Variants in TBL1XR1 observed in about 807,000 individuals in gnomAD.
TBL1XR1 encodes the protein F-box-like/WD repeat-containing protein TBL1XR1.
A neutral mutation model predicts 66.9 loss-of-function variants in TBL1XR1; 5 were observed. The observed-to-expected ratio is 0.07, with a 90% confidence interval of 0.04 to 0.16. The LOEUF (loss-of-function observed/expected upper bound fraction) is 0.16, where lower values mean the gene tolerates loss of function less well. TBL1XR1 is among the 10% of genes least tolerant of loss of function. The pLI is 1.00. For synonymous variants in TBL1XR1, 210 were observed against 206.0 expected, an observed-to-expected ratio of 1.02 and a Z score of -0.17; for missense variants, 238 against 623.2, an observed-to-expected ratio of 0.38 and a Z score of 6.58.
intron 1 of TBL1XR1, among the ~76,000 whole-genome samples, chr3:177,115,583 A>ACCC (rs747736269): frequency 2.0e-5 from 3 of 150,550 alleles, no homozygotes; most frequent in Middle Eastern, 3.4e-3. Flanking sequence ...CTGCCTACTG[A>ACCC]CCCCCCTTCA....
chr3:177,026,341 C>T lies in TBL1XR1; in HGVS notation c.1518+32G>A. 3.2e-6 allele frequency: 5 copies of T among 1,558,734 alleles called. 1 individual carries two copies. Among genetic ancestry groups the T allele is most frequent in the Non-Finnish European group, 4.4e-6 (5 of 1,132,778 alleles). On this transcript the variant is annotated intron_variant, in intron 15 of 15. Transcript: ENST00000457928. Reference sequence around the variant, plus strand: ...GCATTCTGATGTGAATACCCACCCACACCCTCTTTGGAAACACTTTACTAT... The same window carrying T: ...GCATTCTGATGTGAATACCCACCCATACCCTCTTTGGAAACACTTTACTAT...
intron 12 of TBL1XR1, chr3:177,037,804 C>CCATCCATCCATA (rs1245811907): frequency 4.1e-6 from 1 of 246,108 alleles, no homozygotes; most frequent in East Asian, 9.1e-5. Context: ...ATCCATCCAT[C>CCATCCATCCATA]CATCTTCTTA....
intron 1 of TBL1XR1, among the ~76,000 whole-genome samples, chr3:177,144,167 C>A (rs1158031848): frequency 6.6e-6 from 1 of 152,008 alleles, no homozygotes; most frequent in Non-Finnish European, 1.5e-5. Flanking sequence ...ATCGCTTGAA[C>A]CCCGGGAGGC....
chr3:177,195,105 G>C (rs1327633095), intron 1 of TBL1XR1, among the ~76,000 whole-genome samples: 1 of 151,824 alleles, frequency 6.6e-6, no homozygotes, highest in East Asian at 1.9e-4. Flanking sequence ...CCTGTAGGTC[G>C]GATTCCAACA....
chr3:177,035,331 T>C (rs1560101231), intron 12 of TBL1XR1, among the ~76,000 whole-genome samples: 1 of 152,152 alleles, frequency 6.6e-6, no homozygotes, highest in Admixed American at 6.5e-5. Flanking sequence ...GATTTGGTGA[T>C]TGTTAGAGTT....
chr3:177,160,834 A>T (rs941369312), intron 1 of TBL1XR1: 1 of 152,038 alleles, frequency 6.6e-6, no homozygotes, highest in African/African-American at 2.4e-5. Flanking sequence ...CATCGCTACT[A>T]AAAATACAAA....
chr3:177,158,342 C>T (rs1731773283), intron 1 of TBL1XR1, among the ~76,000 whole-genome samples: 1 of 151,558 alleles, frequency 6.6e-6, no homozygotes, highest in Non-Finnish European at 1.5e-5. Context: ...CATTCTCCTG[C>T]CTCAGCCTCC....
intron 1 of TBL1XR1, among the ~76,000 whole-genome samples, chr3:177,177,591 G>A (rs1041347231): frequency 6.6e-6 from 1 of 152,014 alleles, no homozygotes; most frequent in Non-Finnish European, 1.5e-5. Flanking sequence ...TTTAAGTATG[G>A]CACTCACATA....
rs373218741 is a variant in TBL1XR1 at position 177,162,921 on chromosome 3, A to G, written c.-122+34200T>C. 3.3e-5 allele frequency among the ~76,000 whole-genome samples: 5 copies of G among 152,358 alleles called. No homozygotes were observed. In the East Asian group the frequency reaches 9.6e-4, roughly 29 times the overall value. The stretch of plus-strand genomic sequence containing the variant: ...TTGGTAACACTATGTTGGCAAGAAC[A>G]TGGGCAGAGACACATTGAGAGCAGG... On this transcript the variant is annotated intron_variant, in intron 1 of 15. Transcript: ENST00000457928.
chr3:177,120,588 C>T (rs1726870645), intron 1 of TBL1XR1: 1 of 152,160 alleles, frequency 6.6e-6, no homozygotes, highest in African/African-American at 2.4e-5. Flanking sequence ...AAAGTCAATC[C>T]ATCCTTAAAA....
At chr3:177,084,022 A>C (rs1721794130) in intron 2 of TBL1XR1, among the ~76,000 whole-genome samples, 1 of 146,074 alleles carries the variant, frequency 6.8e-6, no homozygotes, top group Non-Finnish European at 1.5e-5. Context: ...CAGGAGGCGG[A>C]GGCTGCAGTG....
intron 1 of TBL1XR1, among the ~76,000 whole-genome samples, chr3:177,143,467 G>T (rs184389556): frequency 2.6e-5 from 4 of 152,224 alleles, no homozygotes; most frequent in African/African-American, 9.6e-5. Flanking sequence ...TGTAAATGCT[G>T]TAAGTTTTTT....
At chr3:177,058,834 A>G (rs984025200) in intron 3 of TBL1XR1, among the ~76,000 whole-genome samples, 1 of 152,230 alleles carries the variant, frequency 6.6e-6, no homozygotes, top group African/African-American at 2.4e-5. Flanking sequence ...TCCCTTTGAT[A>G]AGTGTGCTAG....
intron 1 of TBL1XR1, among the ~76,000 whole-genome samples, chr3:177,129,010 T>G (rs567285420): frequency 1.3e-5 from 2 of 152,330 alleles, no homozygotes; most frequent in Admixed American, 6.5e-5. Flanking sequence ...TCAAATTTCA[T>G]GTTCAGCACG....
chr3:177,161,211 G>C lies in TBL1XR1; in HGVS notation c.-122+35910C>G, dbSNP rs1732170984. Among the ~76,000 whole-genome samples, 5 of 151,986 alleles carry C rather than the reference G, an allele frequency of 3.3e-5. No homozygotes were observed. The South Asian group carries it at 8.3e-4, about 25-fold the overall frequency. ...GTTTTCCTGTTTCTCTGACTGTTTT[G>C]CCTATCATCTTAGATAACCCCTGTG... On this transcript the variant is annotated intron_variant, in intron 1 of 15. Transcript: ENST00000457928.
At chr3:177,076,193 G>T (rs1451203025) in intron 2 of TBL1XR1, among the ~76,000 whole-genome samples, 2 of 152,116 alleles carry the variant, frequency 1.3e-5, no homozygotes, top group Non-Finnish European at 2.9e-5. Context: ...ATTCACTGAG[G>T]GCAAAGCCCT....
At chr3:177,095,427 CAA>C (rs746860458) in intron 2 of TBL1XR1, among the ~76,000 whole-genome samples, 1 of 150,640 alleles carries the variant, frequency 6.6e-6, no homozygotes, top group South Asian at 2.1e-4. Flanking sequence ...GAGATAATTA[CAA>C]AAAAGTATTT....
chr3:177,050,242 T>C (rs538057596), intron 6 of TBL1XR1, 104 bp from the exon 7 acceptor site: 9 of 1,412,226 alleles, frequency 6.4e-6, no homozygotes, highest in Admixed American at 2.2e-5. Flanking sequence ...TAAAAACGAC[T>C]ATCACGAATT....
chr3:177,056,202 A>G (rs891879007), intron 3 of TBL1XR1, among the ~76,000 whole-genome samples: 3 of 152,184 alleles, frequency 2.0e-5, no homozygotes, highest in Non-Finnish European at 4.4e-5. Flanking sequence ...ATGCTTATAA[A>G]TTTGTTTGAA....
Sources: gnomAD v4.1 joint callset for allele counts (sites outside exome capture counted in the v4.1 genomes callset) on GRCh38, gnomAD v4.1.1 for gene constraint, MANE v1.5 for transcripts, NCBI Gene and HGNC (gene_info 2026-07-23, HGNC 2026-07-21) for gene names.